MAGI2: variants seen among roughly 807,000 people sequenced by gnomAD.
MAGI2 encodes the protein membrane-associated guanylate kinase, WW and PDZ domain-containing protein 2.
In MAGI2, 35 loss-of-function variants were observed where a neutral mutation model predicts 133.3. That is an observed-to-expected ratio of 0.26 (90% confidence interval 0.20 to 0.35). The LOEUF is 0.35. Ranked by LOEUF, MAGI2 falls within the 10% of genes least tolerant of loss-of-function variation. The pLI is 1.00. For missense variants in MAGI2, 1,636 were observed against 1,863.4 expected (o/e 0.88, Z 2.25); for synonymous variants, 729 against 710.6 (o/e 1.03, Z -0.41).
intron 1 of MAGI2, among the ~76,000 whole-genome samples, chr7:79,245,541 T>C (rs1585312267): frequency 6.6e-6 from 1 of 152,266 alleles, no homozygotes; most frequent in East Asian, 1.9e-4. Flanking sequence ...GGGAGACCCC[T>C]CTGCATGTGG....
chr7:78,350,383 T>G (rs1391507731), intron 7 of MAGI2: 3 of 152,164 alleles, frequency 2.0e-5, no homozygotes, highest in Non-Finnish European at 4.4e-5. Flanking sequence ...ATCAACTGAT[T>G]CATAATTTCA....
intron 2 of MAGI2, among the ~76,000 whole-genome samples, chr7:78,843,656 C>T (rs953145898): frequency 4.6e-5 from 7 of 151,744 alleles, no homozygotes; most frequent in Non-Finnish European, 5.9e-5. Flanking sequence ...TTCTATTAGA[C>T]TTAATGTCAT....
intron 1 of MAGI2, among the ~76,000 whole-genome samples, chr7:79,215,181 A>G (rs1488309421): frequency 1.3e-5 from 2 of 150,780 alleles, no homozygotes; most frequent in Non-Finnish European, 2.9e-5. Flanking sequence ...CGTTAACATT[A>G]AAACGAAGTT....
At chr7:78,397,366 T>TACAC (rs71085528) in intron 6 of MAGI2, among the ~76,000 whole-genome samples, 3,726 of 147,600 alleles carry the variant, frequency 0.025, 86 homozygotes, top group African/African-American at 0.053. Flanking sequence ...TTGAAATTCC[T>TACAC]ACACACACAC....
At chr7:78,986,830 T>A (rs978441741) in intron 2 of MAGI2, among the ~76,000 whole-genome samples, 1 of 151,994 alleles carries the variant, frequency 6.6e-6, no homozygotes, top group African/African-American at 2.4e-5. Context: ...CTGTTTTTAT[T>A]TCCCTCCATT....
At chr7:78,135,724 C>G (rs1822046045) in intron 16 of MAGI2, among the ~76,000 whole-genome samples, 1 of 113,928 alleles carries the variant, frequency 8.8e-6, no homozygotes, top group Non-Finnish European at 1.8e-5. Flanking sequence ...GAGGAGAAAA[C>G]AAGGAAGGAA....
chr7:78,381,321 T>C (rs896829022), intron 6 of MAGI2, among the ~76,000 whole-genome samples: 1 of 151,460 alleles, frequency 6.6e-6, no homozygotes, highest in Non-Finnish European at 1.5e-5. Context: ...CACTCCAACC[T>C]GGGTGACATA....
At chr7:78,107,408 A>T (rs917580795) in intron 20 of MAGI2, among the ~76,000 whole-genome samples, 2 of 152,012 alleles carry the variant, frequency 1.3e-5, no homozygotes, top group African/African-American at 4.8e-5. Flanking sequence ...TTTGATAGGG[A>T]TTGCATTGAA....
intron 1 of MAGI2, among the ~76,000 whole-genome samples, chr7:79,161,721 G>T (rs763911872): frequency 2.6e-5 from 4 of 152,006 alleles, no homozygotes; most frequent in Non-Finnish European, 1.5e-5. Context: ...GAAGGGTCAA[G>T]AAAATCTTTT....
intron 1 of MAGI2, among the ~76,000 whole-genome samples, chr7:79,132,841 T>C (rs993838543): frequency 1.3e-5 from 2 of 152,190 alleles, no homozygotes; most frequent in East Asian, 3.8e-4. Context: ...ATAATGGCCA[T>C]TATTTCAGGA....
At chr7:78,508,888 C>CT (rs11329362) in intron 4 of MAGI2, among the ~76,000 whole-genome samples, 2,793 of 141,346 alleles carry the variant, frequency 0.02, 31 homozygotes, top group Middle Eastern at 0.047. Context: ...GAAAAATAGT[C>CT]TTTTTTTTTT....
chr7:78,886,974 C>A (rs1420022740), intron 2 of MAGI2, among the ~76,000 whole-genome samples: 3 of 152,060 alleles, frequency 2.0e-5, no homozygotes, highest in Non-Finnish European at 4.4e-5. Context: ...TTACAAGGGG[C>A]TTTTCTCCCT....
At chr7:78,931,101 A>G (rs1800079436) in intron 2 of MAGI2, among the ~76,000 whole-genome samples, 1 of 152,080 alleles carries the variant, frequency 6.6e-6, no homozygotes, top group South Asian at 2.1e-4. Flanking sequence ...ATGAGATAAA[A>G]CCAAACACAG....
intron 21 of MAGI2, among the ~76,000 whole-genome samples, chr7:78,041,833 C>A (rs1810879262): frequency 6.6e-6 from 1 of 152,098 alleles, no homozygotes; most frequent in Admixed American, 6.5e-5. Context: ...TTAAGTAGGC[C>A]TTCCTGCTGG....
intron 9 of MAGI2, among the ~76,000 whole-genome samples, chr7:78,336,221 C>T (rs1402448378): frequency 6.6e-6 from 1 of 152,144 alleles, no homozygotes; most frequent in Non-Finnish European, 1.5e-5. Flanking sequence ...TATATATACA[C>T]ACATGCTTAT....
intron 1 of MAGI2, chr7:79,410,273 T>C (rs1006079018): frequency 2.0e-5 from 3 of 152,180 alleles, no homozygotes; most frequent in Non-Finnish European, 4.4e-5. Context: ...ATAGAAGCTA[T>C]GATTTTCAGA....
At chr7:78,446,966 T>C (rs1340918749) in intron 6 of MAGI2, among the ~76,000 whole-genome samples, 2 of 152,034 alleles carry the variant, frequency 1.3e-5, no homozygotes, top group African/African-American at 4.8e-5. Context: ...TGGCAGTTTC[T>C]CAGAAGGATC....
intron 1 of MAGI2, among the ~76,000 whole-genome samples, chr7:79,451,856 G>A (rs995211321): frequency 6.6e-6 from 1 of 152,132 alleles, no homozygotes; most frequent in Non-Finnish European, 1.5e-5. Context: ...TACCGCACAC[G>A]AATTGTGCAG....
chr7:78,748,526 C>A (rs1460119356), intron 2 of MAGI2, among the ~76,000 whole-genome samples: 1 of 152,192 alleles, frequency 6.6e-6, no homozygotes, highest in Non-Finnish European at 1.5e-5. Flanking sequence ...ACCCAAGTGA[C>A]AGCAAATCTA....
Sources: gnomAD v4.1 joint callset for allele counts (sites outside exome capture counted in the v4.1 genomes callset) on GRCh38, gnomAD v4.1.1 for gene constraint, MANE v1.5 for transcripts, NCBI Gene and HGNC (gene_info 2026-07-23, HGNC 2026-07-21) for gene names.